SGCD: variants seen among roughly 807,000 people sequenced by gnomAD.
SGCD encodes sarcoglycan delta.
A neutral mutation model predicts 36.6 loss-of-function variants in SGCD; 18 were observed. That is an observed-to-expected ratio of 0.49 (90% CI 0.34 to 0.73). SGCD has a LOEUF of 0.73. SGCD is among the 30% of genes least tolerant of loss of function. The probability of loss-of-function intolerance (pLI) is 0.01; values close to 1 mark genes in which losing one functional copy is unlikely to be tolerated. For missense variants in SGCD, 387 were observed against 346.7 expected (o/e 1.12, Z -0.92); for synonymous variants, 133 against 130.6 (o/e 1.02, Z -0.12).
chr5:156,563,685 TG>T (rs1759362968), intron 4 of SGCD, among the ~76,000 whole-genome samples: 2 of 152,218 alleles, frequency 1.3e-5, no homozygotes, highest in South Asian at 4.1e-4. Context: ...TAACGGAAGC[TG>T]TTTCCCCTTT....
At chr5:156,485,350 A>G (rs996442069) in intron 3 of SGCD, among the ~76,000 whole-genome samples, 1 of 152,178 alleles carries the variant, frequency 6.6e-6, no homozygotes, top group Non-Finnish European at 1.5e-5. Context: ...GAAAAAGGAA[A>G]TGCTAGAGGG....
intron 3 of SGCD, among the ~76,000 whole-genome samples, chr5:156,451,885 C>G (rs1754035770): frequency 6.6e-6 from 1 of 152,166 alleles, no homozygotes; most frequent in Non-Finnish European, 1.5e-5. Context: ...CTTTGTTGAG[C>G]TGTCGTTCTG....
chr5:156,122,843 T>TTAAAAA (rs1762076620), intron 2 of SGCD, among the ~76,000 whole-genome samples: 4 of 54,158 alleles, frequency 7.4e-5, no homozygotes, highest in Non-Finnish European at 9.6e-5. Context: ...AAAGATGTGG[T>TTAAAAA]AAAAAAAAAA....
At chr5:156,130,081 G>C (rs183728623) in intron 3 of SGCD, among the ~76,000 whole-genome samples, 78 of 152,250 alleles carry the variant, frequency 5.1e-4, no homozygotes, top group Middle Eastern at 6.8e-3. Flanking sequence ...TTTTCACAGT[G>C]GTTGAACTAA....
upstream of SGCD, among the ~76,000 whole-genome samples, chr5:155,867,024 G>A (rs1755536938): frequency 6.6e-6 from 1 of 152,330 alleles, no homozygotes; most frequent in South Asian, 2.1e-4. Flanking sequence ...TCAGAATGAA[G>A]TGGAGTCTCC....
the SGCD span, among the ~76,000 whole-genome samples, chr5:155,856,788 C>G: frequency 6.6e-6 from 1 of 152,160 alleles, no homozygotes; most frequent in Non-Finnish European, 1.5e-5. Context: ...AGGAAAACTA[C>G]AATGAGATAC....
intron 6 of SGCD, among the ~76,000 whole-genome samples, chr5:156,616,436 A>G (rs1762022478): frequency 6.6e-6 from 1 of 152,246 alleles, no homozygotes; most frequent in African/African-American, 2.4e-5. Flanking sequence ...GTGCTAGGAA[A>G]AAAATGCAAA....
chr5:156,042,991 T>TCTTTGGGGAAAGA (rs1759675662), intron 1 of SGCD, among the ~76,000 whole-genome samples: 1 of 152,178 alleles, frequency 6.6e-6, no homozygotes, highest in Non-Finnish European at 1.5e-5. Flanking sequence ...AAGGCTATTG[T>TCTTTGGGGAAAGA]CATTTAAACT....
intron 3 of SGCD, among the ~76,000 whole-genome samples, chr5:156,176,642 C>T (rs1763481666): frequency 1.3e-5 from 2 of 152,058 alleles, no homozygotes; most frequent in Admixed American, 6.6e-5. Context: ...AATAATTATT[C>T]TGACTGACTT....
chr5:155,842,575 G>T, the SGCD span, among the ~76,000 whole-genome samples: 119 of 150,246 alleles, frequency 7.9e-4, no homozygotes, highest in Middle Eastern at 6.8e-3. Flanking sequence ...CCATCTCAAC[G>T]GAAAAAAAAA....
rs1015796076 is a variant in SGCD at position 156,635,246 on chromosome 5, C to G, written c.503-12218C>G. Among the ~76,000 whole-genome samples, 5 of 152,084 alleles carry G rather than the reference C, an allele frequency of 3.3e-5. No individual in the cohort carries two copies. The East Asian group carries it at 9.7e-4, about 29-fold the overall frequency. On this transcript the variant is annotated intron_variant, in intron 6 of 8. Coordinates refer to ENST00000337851, the MANE Select transcript of SGCD (RefSeq NM_000337.6). The stretch of plus-strand genomic sequence containing the variant: ...CCTAAAAGTTTTTTTAAAAATGGGG[C>G]TTTCTGACATTTATGCAGCCAAAAG...
intron 3 of SGCD, among the ~76,000 whole-genome samples, chr5:156,156,180 C>T (rs1762957732): frequency 6.6e-6 from 1 of 151,556 alleles, no homozygotes; most frequent in South Asian, 2.1e-4. Flanking sequence ...TAATGCGACC[C>T]CTTCATATTA....
chr5:155,991,023 G>A (rs1014975343), intron 1 of SGCD, among the ~76,000 whole-genome samples: 11 of 152,178 alleles, frequency 7.2e-5, no homozygotes, highest in Non-Finnish European at 1.3e-4. Flanking sequence ...TGGTTCTGGG[G>A]TAGGGCTCAA....
At chr5:156,059,963 A>G (rs573990840) in intron 1 of SGCD, among the ~76,000 whole-genome samples, 1 of 146,772 alleles carries the variant, frequency 6.8e-6, no homozygotes, top group South Asian at 2.1e-4. Flanking sequence ...TTCTCAGTCC[A>G]TCAGTTGTCT....
intron 4 of SGCD, among the ~76,000 whole-genome samples, chr5:156,569,197 C>G (rs954925671): frequency 3.3e-5 from 5 of 152,056 alleles, no homozygotes; most frequent in African/African-American, 1.2e-4. Context: ...TTGTACCCAC[C>G]ATGTACGAGA....
At chr5:155,815,797 C>T in the SGCD span, among the ~76,000 whole-genome samples, 3 of 152,098 alleles carry the variant, frequency 2.0e-5, no homozygotes, top group Non-Finnish European at 4.4e-5. Flanking sequence ...CCTCAGACTC[C>T]TCTTCCAACA....
At chr5:156,348,933 C>T (rs564332690) in intron 3 of SGCD, among the ~76,000 whole-genome samples, 54 of 151,792 alleles carry the variant, frequency 3.6e-4, no homozygotes, top group African/African-American at 1.1e-3. Context: ...AAGAGAGAAC[C>T]GAGAAATAAA....
rs373844644 is a variant in SGCD at position 156,729,723 on chromosome 5, G to A, written c.576-27858G>A. On this transcript the variant is annotated intron_variant, in intron 7 of 8. Transcript: ENST00000337851. ...GTAATTTTTCTCCATTCAGTAAAAT[G>A]TGCAATATTCTCGTTACCAGCCATA... 4.8e-4 allele frequency among the ~76,000 whole-genome samples: 73 copies of A among 152,244 alleles called. 1 individual carries two copies. The highest frequency in any genetic ancestry group is 1.7e-3 in the African/African-American group (69 of 41,550).
At chr5:156,197,829 G>GTA (rs956052300) in intron 3 of SGCD, among the ~76,000 whole-genome samples, 19 of 151,810 alleles carry the variant, frequency 1.3e-4, no homozygotes, top group African/African-American at 4.4e-4. Context: ...ACAAATAATG[G>GTA]TATATATTTA....
Sources: allele counts gnomAD v4.1 joint callset (sites outside exome capture counted in the v4.1 genomes callset), GRCh38; gene constraint gnomAD v4.1.1; transcripts MANE v1.5; gene names NCBI Gene and HGNC (gene_info 2026-07-23, HGNC 2026-07-21).